The following TCTN1 variants were observed in gnomAD, a reference collection of about 807,000 sequenced individuals.
TCTN1 encodes tectonic-1.
Under a neutral mutation model 65.8 loss-of-function variants are expected in TCTN1, and 58 were observed. The ratio of observed to expected loss-of-function variants is 0.88; its 90% CI spans 0.71 to 1.10. The LOEUF (loss-of-function observed/expected upper bound fraction) is 1.10. Among genes scored for constraint, TCTN1 ranks in the 50% least tolerant of loss-of-function variants. The pLI is 0.00. For missense variants in TCTN1, 645 were observed against 719.4 expected (o/e 0.90, Z 1.18); for synonymous variants, 273 against 289.1 (o/e 0.94, Z 0.57).
At position 110,641,038 on chromosome 12, in the gene TCTN1, C is replaced by G. The variant is rs748868810; in HGVS notation, c.993C>G (p.Leu331=). ...TTTGTTTTTAGGTAAAGTACAGCCT[C>G]ACATACACAGATGCAGGTGAAGTCA... ...VNVVLEVKYS[L]TYTDAGEVTK... The change falls in exon 9 of 15, where the codon CTC becomes CTG. Residue 331 remains leucine, a synonymous_variant. Coordinates refer to ENST00000397659, the MANE Select transcript of TCTN1 (RefSeq NM_001082538.3). 9 of 1,614,236 alleles carry G rather than the reference C, an allele frequency of 5.6e-6. No individual in the cohort carries two copies. The highest frequency in any genetic ancestry group is 1.7e-5 in the Admixed American group (1 of 60,028).
intron 4 of TCTN1, 23 bp downstream of exon 4, chr12:110,628,941 C>A (rs2066038527): frequency 6.2e-7 from 1 of 1,612,522 alleles, no homozygotes; most frequent in Non-Finnish European, 8.5e-7. Context: ...TTGATTGATT[C>A]TTTTCATCCC....
At chr12:110,638,442 A>G (rs988436518) in intron 7 of TCTN1, among the ~76,000 whole-genome samples, 15 of 152,312 alleles carry the variant, frequency 9.8e-5, no homozygotes, top group African/African-American at 3.6e-4. Flanking sequence ...CTAAGTGAAG[A>G]CTGTTATGAT....
chr12:110,624,448 A>G (rs2065683589), intron 2 of TCTN1, among the ~76,000 whole-genome samples: 1 of 152,010 alleles, frequency 6.6e-6, no homozygotes, highest in Non-Finnish European at 1.5e-5. Flanking sequence ...TCCTGGCCTC[A>G]AGTGATCCTC....
At chr12:110,632,714 A>C (rs566336167) in intron 5 of TCTN1, 155 bp downstream of exon 5, 284 of 726,428 alleles carry the variant, frequency 3.9e-4, no homozygotes, top group Non-Finnish European at 6.0e-4. Flanking sequence ...GTCATCATTA[A>C]ACAGGCCTCG....
rs2064878288 is a variant in TCTN1, at chr12:110,614,323, T to C, written c.141T>C (p.Thr47=). 1 of 1,605,336 alleles carries C rather than the reference T, an allele frequency of 6.2e-7. No homozygotes were observed. Among genetic ancestry groups the C allele is most frequent in the Admixed American group, 1.7e-5 (1 of 58,930 alleles). The change falls in exon 1 of 15, where the codon ACT becomes ACC. Residue 47 remains threonine (T), a synonymous_variant. Coordinates refer to ENST00000397659, the MANE Select transcript of TCTN1 (RefSeq NM_001082538.3). ...AGGCAGCCCTGGCCACCTTCGGAAC[T>C]TTCCCGTCGACCAGGCCCCCCGGGA... ...STEAALATFG[T]FPSTRPPGTP... is the part of the protein sequence containing the mutation.
chr12:110,631,167 T>G (rs1370424549), intron 4 of TCTN1, among the ~76,000 whole-genome samples: 2 of 151,970 alleles, frequency 1.3e-5, no homozygotes, highest in Non-Finnish European at 2.9e-5. Flanking sequence ...GGTTTCACCA[T>G]GTTGGCCAGG....
chr12:110,648,516 GT>G (rs1291147204), intron 14 of TCTN1, among the ~76,000 whole-genome samples: 1 of 152,110 alleles, frequency 6.6e-6, no homozygotes, highest in African/African-American at 2.4e-5. Flanking sequence ...CCTGCTTTGA[GT>G]TATTTATTTT....
chr12:110,649,315 C>G lies in TCTN1; in HGVS notation c.*274C>G. The G allele has an allele frequency of 1.0e-6, 1 of 978,136 alleles. No individual in the cohort carries two copies. Among genetic ancestry groups the G allele is most frequent in the Non-Finnish European group, 1.6e-6 (1 of 622,150 alleles). The allele number at this position is 978,136 out of a possible 1,614,324, so 60.6% of individuals were successfully genotyped here. On this transcript the variant is annotated 3_prime_UTR_variant, in exon 15 of 15. Coordinates refer to ENST00000397659, the MANE Select transcript of TCTN1 (RefSeq NM_001082538.3). The stretch of plus-strand genomic sequence containing the variant: ...GGGAGGCAGAGGTATCAAACCAAAC[C>G]TCTCACCAAGCGGCCCAGGAGGGGC...
At position 110,616,042 on chromosome 12, in the gene TCTN1, CAG is replaced by C. The variant is rs368690193; in HGVS notation, c.220+1641_220+1642del. 1.1e-3 allele frequency among the ~76,000 whole-genome samples: 173 copies of C among 152,250 alleles called. 3 individuals are homozygous for C. The South Asian group carries it at 0.035, about 31-fold the overall frequency. ...TGATGAATTAGTAGGGAAGTTAAATCAGTGATAAACTGGGACAGAAGAAAGCC... is the reference window on the plus strand; with the variant it reads ...TGATGAATTAGTAGGGAAGTTAAATCTGATAAACTGGGACAGAAGAAAGCC... On this transcript the variant is annotated intron_variant, in intron 1 of 14. Transcript: ENST00000397659.
At chr12:110,641,748 C>T (rs1415718613) in intron 10 of TCTN1, 121 bp downstream of exon 10, 2 of 1,041,022 alleles carry the variant, frequency 1.9e-6, no homozygotes, top group South Asian at 1.3e-5. Context: ...CAGTCCAGGC[C>T]GAGCTTCCTG....
rs561601518 is a variant in TCTN1, at chr12:110,619,299, C to T, written c.221-537C>T. The stretch of plus-strand genomic sequence containing the variant: ...TCTGAGCACCTGAGCCGGTATGATT[C>T]TTGGCCAAGGGTCTGTGAATATGAG... On this transcript the variant is annotated intron_variant, in intron 1 of 14. Coordinates refer to ENST00000397659, the MANE Select transcript of TCTN1 (RefSeq NM_001082538.3). Among the ~76,000 whole-genome samples the T allele has an allele frequency of 6.6e-5, 10 of 152,286 alleles. 1 individual carries two copies. In the South Asian group the frequency reaches 2.1e-3, roughly 32 times the overall value.
intron 2 of TCTN1, among the ~76,000 whole-genome samples, chr12:110,625,359 G>C (rs1282125414): frequency 6.6e-6 from 1 of 152,170 alleles, no homozygotes; most frequent in Non-Finnish European, 1.5e-5. Context: ...CTAACCTCAA[G>C]TGAGCCTTGC....
rs778510881 is a variant in TCTN1, at chr12:110,641,046, C to T, written c.1001C>T (p.Thr334Ile). The T allele has an allele frequency of 6.2e-7, 1 of 1,614,228 alleles. No homozygotes were observed. Among genetic ancestry groups the T allele is most frequent in the South Asian group, 1.1e-5 (1 of 91,082 alleles). The change falls in exon 9 of 15, where the codon ACA becomes ATA. Residue 334 changes from threonine (T) to isoleucine (I), a missense_variant. Transcript: ENST00000397659. The stretch of plus-strand genomic sequence containing the variant: ...TAGGTAAAGTACAGCCTCACATACA[C>T]AGATGCAGGTGAAGTCACCAAAGCT... ...VLEVKYSLTY[T>I]DAGEVTKADL...
At position 110,614,227 on chromosome 12, in the gene TCTN1, C is replaced by T. The variant is rs1272409003; in HGVS notation, c.45C>T (p.Gly15=). 4 of 1,587,818 alleles carry T rather than the reference C, an allele frequency of 2.5e-6. No homozygotes were observed. In the African/African-American group the frequency reaches 5.4e-5, roughly 21 times the overall value. ...GLPPLLVVLL[G]CWASVSAQTD... ...CGCCGCTCCTGGTGGTGCTCCTGGGCTGCTGGGCCTCCGTGAGCGCCCAGA... is the reference window on the plus strand; with the variant it reads ...CGCCGCTCCTGGTGGTGCTCCTGGGTTGCTGGGCCTCCGTGAGCGCCCAGA... Residue 15 remains glycine (G), a synonymous_variant, in exon 1 of 15, where the codon GGC becomes GGT. Transcript: ENST00000397659.
chr12:110,628,893 A>T lies in TCTN1; in HGVS notation c.599A>T (p.Asp200Val), dbSNP rs761205378. ...ESYVSFTTKL[D>V]IPTAAKYEYG... is the part of the protein sequence containing the mutation. Reference sequence around the variant, plus strand: ...TATGTTTCCTTCACAACCAAACTGGATATTCCTACTGCTGCTAAATATGAG... The same window carrying T: ...TATGTTTCCTTCACAACCAAACTGGTTATTCCTACTGCTGCTAAATATGAG... The change falls in exon 4 of 15, where the codon GAT (aspartate) becomes GTT (valine). Residue 200 changes from aspartate to valine, a missense_variant. Asp to Val is a radical substitution (Grantham distance 152). Coordinates refer to ENST00000397659, the MANE Select transcript of TCTN1 (RefSeq NM_001082538.3). 1.9e-6 allele frequency: 3 copies of T among 1,613,630 alleles called. No individual in the cohort carries two copies. Among genetic ancestry groups the T allele is most frequent in the East Asian group, 2.2e-5 (1 of 44,838 alleles).
chr12:110,640,900 A>G lies in TCTN1; in HGVS notation c.979-124A>G, dbSNP rs2066907896. ...ACCTCTCATAATCCAACTGGACAGCAGAGCAAGGCTTCAACACATGGAGAA... is the reference window on the plus strand; with the variant it reads ...ACCTCTCATAATCCAACTGGACAGCGGAGCAAGGCTTCAACACATGGAGAA... On this transcript the variant is annotated intron_variant, in intron 8 of 14. Coordinates refer to ENST00000397659, the MANE Select transcript of TCTN1 (RefSeq NM_001082538.3). This position sits in a 1 kb window ranked among gnomAD's most constrained non-coding sequence, Gnocchi z 4.9. 3.6e-6 allele frequency: 5 copies of G among 1,390,644 alleles called. No individual in the cohort carries two copies. The highest frequency in any genetic ancestry group is 5.1e-6 in the Non-Finnish European group (5 of 987,820). The allele number at this position is 1,390,644 out of a possible 1,614,324, so 86.1% of individuals were successfully genotyped here.
Position 110,649,248 on chromosome 12 carries a change from C to A in TCTN1, c.*207C>A. ...TGGGCAGCTCTTGGTGGTACTGGACCTTCCACAAGGCTGTGTCCACCCAGA... is the reference window on the plus strand; with the variant it reads ...TGGGCAGCTCTTGGTGGTACTGGACATTCCACAAGGCTGTGTCCACCCAGA... On this transcript the variant is annotated 3_prime_UTR_variant, in exon 15 of 15. Transcript: ENST00000397659. 1.5e-6 allele frequency: 1 copy of A among 677,738 alleles called. No individual in the cohort carries two copies. The highest frequency in any genetic ancestry group is 2.7e-6 in the Non-Finnish European group (1 of 372,410). 42.0% of individuals were successfully genotyped at this position (677,738 alleles called of 1,614,324 possible).
intron 7 of TCTN1, among the ~76,000 whole-genome samples, chr12:110,637,108 G>A (rs532369336): frequency 6.6e-6 from 1 of 152,330 alleles, no homozygotes; most frequent in South Asian, 2.1e-4. Context: ...AGTCCCCATG[G>A]AGGCCTGAGT....
At chr12:110,625,342 C>T (rs777445360) in intron 2 of TCTN1, among the ~76,000 whole-genome samples, 4 of 152,164 alleles carry the variant, frequency 2.6e-5, no homozygotes, top group East Asian at 1.9e-4. Flanking sequence ...AGACTGGCCT[C>T]GAACTCCTAA....
Sources: gnomAD v4.1 joint callset for allele counts (sites outside exome capture counted in the v4.1 genomes callset) on GRCh38, gnomAD v4.1.1 for gene constraint, Gnocchi (gnomAD v3.1) non-coding constraint, MANE v1.5 for transcripts, NCBI Gene and HGNC (gene_info 2026-07-23, HGNC 2026-07-21) for gene names.